FBXO24: variants seen among roughly 807,000 people sequenced by gnomAD.
The protein encoded by FBXO24 is F-box protein 24, also known as F-box only protein 24.
A neutral mutation model predicts 63.5 loss-of-function variants in FBXO24; 30 were observed. That is an observed-to-expected ratio of 0.47 (90% CI 0.35 to 0.64). The LOEUF (loss-of-function observed/expected upper bound fraction) is 0.64. Ranked by LOEUF, FBXO24 falls within the 30% of genes least tolerant of loss-of-function variation. FBXO24 has a pLI of 0.00. For synonymous variants in FBXO24, 300 were observed against 305.0 expected, an observed-to-expected ratio of 0.98 and a Z score of 0.17; for missense variants, 624 against 763.4, an observed-to-expected ratio of 0.82 and a Z score of 2.15.
At chr7:100,599,293 G>T (rs1802467158) in intron 8 of FBXO24, among the ~76,000 whole-genome samples, 1 of 152,028 alleles carries the variant, frequency 6.6e-6, no homozygotes. Flanking sequence ...TAGAGTGGAG[G>T]CTGGGCTCAG....
chr7:100,589,782 G>A, intron 1 of FBXO24, 195 bp from the exon 2 acceptor site: 2 of 1,531,816 alleles, frequency 1.3e-6, no homozygotes, highest in Non-Finnish European at 1.8e-6. Flanking sequence ...TGGACGGGAG[G>A]AGGGGCTCCG....
At chr7:100,599,577 A>AT in intron 8 of FBXO24, 1 of 158,008 alleles carries the variant, frequency 6.3e-6, no homozygotes, top group South Asian at 1.6e-4. Context: ...CAAAAAAAAA[A>AT]AAAAGAAAGA....
At chr7:100,596,363 G>A (rs1438441123) in intron 8 of FBXO24, among the ~76,000 whole-genome samples, 1 of 152,180 alleles carries the variant, frequency 6.6e-6, no homozygotes, top group Non-Finnish European at 1.5e-5. Context: ...TGTGTGATGA[G>A]GAGGGGGATA....
At chr7:100,591,613 A>G (rs1802030454) in intron 3 of FBXO24, 54 bp from the exon 4 acceptor site, 2 of 1,549,098 alleles carry the variant, frequency 1.3e-6, no homozygotes, top group African/African-American at 1.4e-5. Flanking sequence ...GCTCCAACTC[A>G]TCTCCCTCGT....
At position 100,594,292 on chromosome 7, in the gene FBXO24, G is replaced by A. The variant is rs1043756436; in HGVS notation, c.794-91G>A. The stretch of plus-strand genomic sequence containing the variant: ...TCAGCCCCACTCTAGGGCAGTAAAT[G>A]TGTCACCCATATGGCCTAGGGAGTC... On this transcript the variant is annotated intron_variant, in intron 5 of 9. Transcript: ENST00000241071. This position sits in a 1 kb window ranked among gnomAD's most constrained non-coding sequence, Gnocchi z 4.2. The A allele has an allele frequency of 5.6e-6, 8 of 1,425,884 alleles. No individual in the cohort carries two copies. Among genetic ancestry groups the A allele is most frequent in the Non-Finnish European group, 6.7e-6 (7 of 1,046,612 alleles). The allele number at this position is 1,425,884 out of a possible 1,614,324, so 88.3% of individuals were successfully genotyped here.
chr7:100,591,926 T>C (rs759711767), intron 4 of FBXO24, 24 bp downstream of exon 4: 37 of 1,609,870 alleles, frequency 2.3e-5, no homozygotes, highest in Non-Finnish European at 2.9e-5. Flanking sequence ...CCCTGGCAGC[T>C]GAGAGCCCAC....
chr7:100,599,288 T>A (rs1219950874), intron 8 of FBXO24, among the ~76,000 whole-genome samples: 1 of 151,084 alleles, frequency 6.6e-6, no homozygotes, highest in African/African-American at 2.4e-5. Context: ...AATGCTAGAG[T>A]GGAGGCTGGG....
Position 100,594,587 on chromosome 7 carries a change from C to G in FBXO24, c.952+46C>G. Reference sequence around the variant, plus strand: ...GCTCAAGCCCGCAGCCTTGGTTAGACCCTCTAAACATCAACACCCTTCACC... The same window carrying G: ...GCTCAAGCCCGCAGCCTTGGTTAGAGCCTCTAAACATCAACACCCTTCACC... On this transcript the variant is annotated intron_variant, in intron 6 of 9. Transcript: ENST00000241071. The surrounding 1 kb of genome is among the most constrained non-coding windows in gnomAD (Gnocchi z 4.2). The G allele has an allele frequency of 6.7e-7, 1 of 1,483,296 alleles. No individual in the cohort carries two copies. The highest frequency in any genetic ancestry group is 2.5e-5 in the East Asian group (1 of 40,678). 91.9% of individuals were successfully genotyped at this position (1,483,296 alleles called of 1,614,324 possible).
chr7:100,592,647 C>T, intron 4 of FBXO24, 136 bp from the exon 5 acceptor site: 1 of 683,984 alleles, frequency 1.5e-6, no homozygotes, highest in South Asian at 1.8e-5. Context: ...TGCCCTCCCA[C>T]ATAGGAACCT....
rs1327554351 is a variant in FBXO24, at chr7:100,597,381, C to T, written c.1206+1675C>T. On this transcript the variant is annotated intron_variant, in intron 8 of 9. Coordinates refer to ENST00000241071, the MANE Select transcript of FBXO24 (RefSeq NM_033506.3). ...CTTTTATGAAATGGTTTACATAGTA[C>T]CATTTATTTTTATTTTTATTTTTAT... 2.0e-5 allele frequency among the ~76,000 whole-genome samples: 3 copies of T among 151,986 alleles called. No homozygotes were observed. The South Asian group carries it at 6.2e-4, about 31-fold the overall frequency.
chr7:100,598,806 G>C (rs888302360), intron 8 of FBXO24, among the ~76,000 whole-genome samples: 1 of 151,398 alleles, frequency 6.6e-6, no homozygotes, highest in Non-Finnish European at 1.5e-5. Context: ...GTGAAACCCC[G>C]TCTCTACTAA....
chr7:100,590,089 G>A lies in FBXO24; in HGVS notation c.138+14G>A, dbSNP rs1801934139. The A allele has an allele frequency of 6.2e-7, 1 of 1,611,200 alleles. No homozygotes were observed. Among genetic ancestry groups the A allele is most frequent in the African/African-American group, 1.3e-5 (1 of 74,958 alleles). ...CCCCCAGAGCTGGTGAGTCCTTGGG[G>A]AGGGGGATTGAGAATAATAGGATTG... On this transcript the variant is annotated intron_variant, in intron 2 of 9. Transcript: ENST00000241071.
intron 3 of FBXO24, among the ~76,000 whole-genome samples, chr7:100,591,459 C>A (rs1279291405): frequency 6.6e-6 from 1 of 152,148 alleles, no homozygotes; most frequent in Non-Finnish European, 1.5e-5. Context: ...TGACCCTGGG[C>A]TGAGGTGGGG....
chr7:100,598,278 G>A (rs1802408021), intron 8 of FBXO24, among the ~76,000 whole-genome samples: 1 of 152,204 alleles, frequency 6.6e-6, no homozygotes. Context: ...GATGTTAATA[G>A]TAGATGGTGG....
chr7:100,593,125 T>C, intron 5 of FBXO24, 108 bp downstream of exon 5: 1 of 790,698 alleles, frequency 1.3e-6, no homozygotes. Context: ...ATATGCCACC[T>C]TATCCTAGTC....
chr7:100,589,727 C>T, intron 1 of FBXO24: 1 of 1,547,312 alleles, frequency 6.5e-7, no homozygotes, highest in South Asian at 1.2e-5. Context: ...TCAGGATGGT[C>T]AGGGGAAGCC....
intron 5 of FBXO24, among the ~76,000 whole-genome samples, chr7:100,593,454 ACT>A (rs1400640369): frequency 6.6e-6 from 1 of 151,614 alleles, no homozygotes; most frequent in Non-Finnish European, 1.5e-5. Flanking sequence ...ACCCTGCCTG[ACT>A]CTACTAAAAA....
Position 100,588,149 on chromosome 7 carries a change from G to A in FBXO24, c.39+1485G>A, listed in dbSNP as rs115089432. Among the ~76,000 whole-genome samples, 300 of 152,288 alleles carry A rather than the reference G, an allele frequency of 2.0e-3. 1 individual carries two copies. The highest frequency in any genetic ancestry group is 7.0e-3 in the African/African-American group (290 of 41,562). On this transcript the variant is annotated intron_variant, in intron 1 of 9. Transcript: ENST00000241071. ...CCACCTCGGCCTCCCGAAGTGCTGGGATTATAAGCGTGAGCCACAAAGCCT... is the reference window on the plus strand; with the variant it reads ...CCACCTCGGCCTCCCGAAGTGCTGGAATTATAAGCGTGAGCCACAAAGCCT...
In FBXO24 at chr7:100,586,679, T is replaced by C. The variant is rs773727407; in HGVS notation, c.39+15T>C. 1.9e-6 allele frequency: 3 copies of C among 1,614,064 alleles called. No homozygotes were observed. The highest frequency in any genetic ancestry group is 2.2e-5 in the South Asian group (2 of 91,084). On this transcript the variant is annotated intron_variant, in intron 1 of 9. Transcript: ENST00000241071. ...GGAGGAGGCGGGTGAGCTAGAACTT[T>C]AAGACTGAGGTTAAGAATGAACGCG...
Sources: allele counts gnomAD v4.1 joint callset (sites outside exome capture counted in the v4.1 genomes callset), GRCh38; gene constraint gnomAD v4.1.1; non-coding constraint Gnocchi (gnomAD v3.1); transcripts MANE v1.5; gene names NCBI Gene and HGNC (gene_info 2026-07-23, HGNC 2026-07-21).